The following AP4B1 variants were observed in gnomAD, a reference collection of about 807,000 sequenced individuals.
The protein encoded by AP4B1 is adaptor related protein complex 4 subunit beta 1.
In AP4B1, 49 loss-of-function variants were observed where a neutral mutation model predicts 76.5. The ratio of observed to expected loss-of-function variants is 0.64; its 90% CI spans 0.51 to 0.81. The LOEUF is 0.81. Ranked by LOEUF, AP4B1 falls within the 40% of genes least tolerant of loss-of-function variation. The pLI, the probability that AP4B1 is intolerant of heterozygous loss-of-function variation, is 0.00. For missense variants in AP4B1, 911 were observed against 904.9 expected (o/e 1.01, Z -0.09); for synonymous variants, 330 against 333.3 (o/e 0.99, Z 0.11).
intron 1 of AP4B1, 131 bp from the exon 2 acceptor site, chr1:113,902,993 C>T: frequency 1.3e-6 from 1 of 778,766 alleles, no homozygotes; most frequent in Non-Finnish European, 2.2e-6. Flanking sequence ...CCAGGATTAC[C>T]TTGTCTATTA....
At position 113,899,902 on chromosome 1, in the gene AP4B1, A is replaced by G. The variant is rs1163661915; in HGVS notation, c.1114+2T>C. ...CAAGAAGGAAAAGGAGCAGACACCT[A>G]CCTATGGCAAAGATGGCAGCCTGTG... is the stretch of plus-strand genomic sequence containing the variant. On this transcript the variant is annotated splice_donor_variant, in intron 5 of 9. Coordinates refer to ENST00000369569, the MANE Select transcript of AP4B1 (RefSeq NM_001253852.3). LOFTEE classifies it high-confidence loss of function. The G allele has an allele frequency of 6.2e-7, 1 of 1,613,982 alleles. No homozygotes were observed. Among genetic ancestry groups the G allele is most frequent in the Non-Finnish European group, 8.5e-7 (1 of 1,180,020 alleles).
upstream of AP4B1, chr1:113,904,884 C>A: frequency 1.5e-6 from 1 of 666,592 alleles, no homozygotes; most frequent in Non-Finnish European, 2.7e-6. Flanking sequence ...CTGGCCCTGA[C>A]ACACTTCCAC....
chr1:113,902,795 C>T lies in AP4B1; in HGVS notation c.181G>A (p.Asp61Asn). ...TAAACCAACTTCTTCTGGACAATAT[C>T]TACAGTGGCACTGGCCTTCACCATT... ...MEMVKASATV[D>N]IVQKKLVYLY... The change falls in exon 2 of 10, where the codon GAT (aspartate) becomes AAT (asparagine). Residue 61 changes from aspartate (D) to asparagine (N), a missense_variant. Physicochemically the swap from Asp to Asn is conservative, Grantham distance 23 (BLOSUM62 1). Transcript: ENST00000369569. 6.2e-7 allele frequency: 1 copy of T among 1,614,240 alleles called. No homozygotes were observed. Among genetic ancestry groups the T allele is most frequent in the Non-Finnish European group, 8.5e-7 (1 of 1,180,034 alleles).
At chr1:113,900,510 T>A in intron 4 of AP4B1, 110 bp from the exon 5 acceptor site, 1 of 1,293,236 alleles carries the variant, frequency 7.7e-7, no homozygotes, top group Non-Finnish European at 1.1e-6. Flanking sequence ...GGAGAATTCT[T>A]AAAAATAGGC....
chr1:113,904,764 G>T lies in AP4B1; in HGVS notation c.-47C>A. 6.6e-7 allele frequency: 1 copy of T among 1,511,994 alleles called. No homozygotes were observed. Among genetic ancestry groups the T allele is most frequent in the Non-Finnish European group, 9.2e-7 (1 of 1,088,734 alleles). The allele number at this position is 1,511,994 out of a possible 1,614,324, so 93.7% of individuals were successfully genotyped here. Reference sequence around the variant, plus strand: ...GCTCCCACAGCTCCCACGGTAACTCGAGGGCTCCTTCTCGTCCTGATGTGG... The same window carrying T: ...GCTCCCACAGCTCCCACGGTAACTCTAGGGCTCCTTCTCGTCCTGATGTGG... On this transcript the variant is annotated 5_prime_UTR_variant, in exon 1 of 10. Transcript: ENST00000369569.
Position 113,904,777 on chromosome 1 carries a change from C to G in AP4B1, c.-60G>C. On this transcript the variant is annotated 5_prime_UTR_variant, in exon 1 of 10. Coordinates refer to ENST00000369569, the MANE Select transcript of AP4B1 (RefSeq NM_001253852.3). Reference sequence around the variant, plus strand: ...CCACGGTAACTCGAGGGCTCCTTCTCGTCCTGATGTGGGAGCCTGAGTAAA... The same window carrying G: ...CCACGGTAACTCGAGGGCTCCTTCTGGTCCTGATGTGGGAGCCTGAGTAAA... 1 of 1,376,480 alleles carries G rather than the reference C, an allele frequency of 7.3e-7. No individual in the cohort carries two copies. Among genetic ancestry groups the G allele is most frequent in the East Asian group, 2.3e-5 (1 of 43,708 alleles). 85.3% of individuals were successfully genotyped at this position (1,376,480 alleles called of 1,614,324 possible).
intron 1 of AP4B1, among the ~76,000 whole-genome samples, chr1:113,903,794 TTTA>T (rs1668611398): frequency 6.6e-6 from 1 of 152,196 alleles, no homozygotes; most frequent in Non-Finnish European, 1.5e-5. Flanking sequence ...AAGTTTGGAC[TTTA>T]TTGTTTCTCA....
At chr1:113,900,592 AGTT>A (rs1668116040) in intron 4 of AP4B1, 192 bp from the exon 5 acceptor site, 1 of 668,452 alleles carries the variant, frequency 1.5e-6, no homozygotes, top group Non-Finnish European at 2.5e-6. Context: ...TTCCAAGATG[AGTT>A]GTTAATACAA....
Position 113,894,906 on chromosome 1 carries a change from A to T in AP4B1, c.*159T>A. ...ATTGCCAATAGGAATGAAAGGAATG[A>T]ATCAATGTTCTTTGGCCAAAAACTT... On this transcript the variant is annotated 3_prime_UTR_variant, in exon 10 of 10. Coordinates refer to ENST00000369569, the MANE Select transcript of AP4B1 (RefSeq NM_001253852.3). The T allele has an allele frequency of 2.6e-6, 2 of 757,608 alleles. No individual in the cohort carries two copies. Among genetic ancestry groups the T allele is most frequent in the Non-Finnish European group, 4.2e-6 (2 of 477,682 alleles). The allele number at this position is 757,608 out of a possible 1,614,324, so 46.9% of individuals were successfully genotyped here.
chr1:113,896,274 C>G lies in AP4B1; in HGVS notation c.1494G>C (p.Leu498Phe), dbSNP rs1440975141. 6.2e-7 allele frequency: 1 copy of G among 1,614,182 alleles called. No homozygotes were observed. Among genetic ancestry groups the G allele is most frequent in the Admixed American group, 1.7e-5 (1 of 60,016 alleles). Residue 498 changes from leucine to phenylalanine, a missense_variant, in exon 8 of 10, where the codon TTG becomes TTC. Coordinates refer to ENST00000369569, the MANE Select transcript of AP4B1 (RefSeq NM_001253852.3). ...AAAACCCACCTATGCAGTAATACAA[C>G]AAACGTCCTAGCATGTCCTGGCACT... ...PAECQDMLGR[L>F]LYYCIEEEKD...
rs1012889414 is a variant in AP4B1 at position 113,900,098 on chromosome 1, A to G, written c.920T>C (p.Leu307Ser). 1 of 1,614,218 alleles carries G rather than the reference A, an allele frequency of 6.2e-7. No individual in the cohort carries two copies. The highest frequency in any genetic ancestry group is 1.7e-5 in the Admixed American group (1 of 60,024). The change falls in exon 5 of 10, where the codon TTA (leucine) becomes TCA (serine). Residue 307 changes from leucine to serine, a missense_variant. Transcript: ENST00000369569. ...GTAGTGGCTGCTAAAGTGACCTGGT[A>G]AACTATGCAAGATCTGGCGTACATG... ...LCHVRQILHS[L>S]PGHFSSHYKK...
At chr1:113,897,118 G>A (rs1667575599) in intron 7 of AP4B1, 2 of 143,532 alleles carry the variant, frequency 1.4e-5, no homozygotes. Flanking sequence ...ACTCCAGCCT[G>A]GGCAACAGAG....
intron 8 of AP4B1, 104 bp from the exon 9 acceptor site, chr1:113,896,142 T>C (rs1424823989): frequency 6.3e-7 from 1 of 1,594,834 alleles, no homozygotes; most frequent in Admixed American, 1.7e-5. Context: ...GAGGAAAACC[T>C]AGGAAGCATT....
At position 113,902,625 on chromosome 1, in the gene AP4B1, AGAGGGTACTCACCT is replaced by A; in HGVS notation, c.337_338+12del. 6.2e-7 allele frequency: 1 copy of A among 1,611,538 alleles called. No homozygotes were observed. The highest frequency in any genetic ancestry group is 8.5e-7 in the Non-Finnish European group (1 of 1,179,110). On this transcript the variant is annotated splice_donor_variant and splice_donor_5th_base_variant and coding_sequence_variant and intron_variant, in exon 2 of 10. Transcript: ENST00000369569. LOFTEE classifies it high-confidence loss of function. ...TCAGCCATTTAGGACCAGACAGAGAAGAGGGTACTCACCTGAGGCTACACATGCTCCGTAACGCC... is the reference window on the plus strand; with the variant it reads ...TCAGCCATTTAGGACCAGACAGAGAAGAGGCTACACATGCTCCGTAACGCC...
Position 113,894,285 on chromosome 1 carries a change from G to T in AP4B1, c.*780C>A, listed in dbSNP as rs1348662905. Among the ~76,000 whole-genome samples the T allele has an allele frequency of 2.0e-5, 3 of 152,208 alleles. No homozygotes were observed. The stretch of plus-strand genomic sequence containing the variant: ...GTCAGATAAGAACAGAATAAAAATT[G>T]AGGACAAGCAACAAGAAAACAATTA... On this transcript the variant is annotated 3_prime_UTR_variant, in exon 10 of 10. Coordinates refer to ENST00000369569, the MANE Select transcript of AP4B1 (RefSeq NM_001253852.3).
chr1:113,899,745 C>T (rs1667968637), intron 5 of AP4B1, 159 bp downstream of exon 5: 2 of 1,175,972 alleles, frequency 1.7e-6, no homozygotes, highest in African/African-American at 1.5e-5. Flanking sequence ...AAAAAAAACT[C>T]TCTTCCCCCG....
Position 113,901,862 on chromosome 1 carries a change from A to G in AP4B1, c.362T>C (p.Ile121Thr). ...CAGACCATTGAGAATAGGCTGTTGT[A>G]TATACTCCTGCACACCAGGCATCCT... ...SLRMPGVQEY[I>T]QQPILNGLRD... is the part of the protein sequence containing the mutation. The change falls in exon 3 of 10, where the codon ATA becomes ACA. Residue 121 changes from isoleucine (I) to threonine (T), a missense_variant. Coordinates refer to ENST00000369569, the MANE Select transcript of AP4B1 (RefSeq NM_001253852.3). 7 of 1,614,140 alleles carry G rather than the reference A, an allele frequency of 4.3e-6. No individual in the cohort carries two copies. Among genetic ancestry groups the G allele is most frequent in the Non-Finnish European group, 5.9e-6 (7 of 1,180,016 alleles).
At chr1:113,897,716 G>A (rs1667671383) in intron 7 of AP4B1, 124 bp downstream of exon 7, 2 of 955,798 alleles carry the variant, frequency 2.1e-6, no homozygotes, top group Non-Finnish European at 1.6e-6. Context: ...AATCTAAGGT[G>A]GCAATCAATT....
intron 5 of AP4B1, chr1:113,899,065 T>C (rs531457006): frequency 1.9e-5 from 24 of 1,268,706 alleles, no homozygotes; most frequent in African/African-American, 6.1e-5. Context: ...TGAAAACTTA[T>C]AGTAACAAAG....
Sources: allele counts gnomAD v4.1 joint callset (sites outside exome capture counted in the v4.1 genomes callset), GRCh38; gene constraint gnomAD v4.1.1; transcripts MANE v1.5; gene names NCBI Gene and HGNC (gene_info 2026-07-23, HGNC 2026-07-21).